USP13: variants seen among roughly 807,000 people sequenced by gnomAD.
The protein encoded by USP13 is ubiquitin specific peptidase 13, also known as ubiquitin carboxyl-terminal hydrolase 13.
Under a neutral mutation model 107.8 loss-of-function variants are expected in USP13, and 68 were observed. That is an observed-to-expected ratio of 0.63 (90% CI 0.52 to 0.77). The LOEUF (loss-of-function observed/expected upper bound fraction) is 0.77. Among genes scored for constraint, USP13 ranks in the 30% least tolerant of loss-of-function variants. USP13 has a pLI of 0.00. For synonymous variants in USP13, 377 were observed against 389.5 expected (o/e 0.97, Z 0.38); for missense variants, 945 against 1,093.3 (o/e 0.86, Z 1.91).
intron 10 of USP13, among the ~76,000 whole-genome samples, chr3:179,732,951 G>C (rs964787090): frequency 3.3e-5 from 5 of 152,074 alleles, no homozygotes; most frequent in Non-Finnish European, 7.4e-5. Flanking sequence ...GCCATCTCTG[G>C]GATGTGTTTT....
chr3:179,738,437 A>C lies in USP13; in HGVS notation c.1255-1810A>C, dbSNP rs546879126. On this transcript the variant is annotated intron_variant, in intron 10 of 20. Coordinates refer to ENST00000263966, the MANE Select transcript of USP13 (RefSeq NM_003940.3). ...ACTCTGGTTAGGCTTTGTTAGCTGC[A>C]TGGCAGTTGGGTGTTAAGACCACTT... Among the ~76,000 whole-genome samples, 3 of 152,328 alleles carry C rather than the reference A, an allele frequency of 2.0e-5. No individual in the cohort carries two copies. In the East Asian group the frequency reaches 5.8e-4, roughly 29 times the overall value.
chr3:179,684,817 A>AT (rs1214047267), intron 2 of USP13, among the ~76,000 whole-genome samples: 17 of 137,846 alleles, frequency 1.2e-4, no homozygotes, highest in African/African-American at 3.8e-4. Flanking sequence ...AGCCATATTT[A>AT]TTTTTTTTTC....
chr3:179,692,795 T>TG, intron 3 of USP13, among the ~76,000 whole-genome samples: 1 of 152,324 alleles, frequency 6.6e-6, no homozygotes, highest in African/African-American at 2.4e-5. Context: ...TTTTTTCTAG[T>TG]GATTATTTTG....
At chr3:179,769,606 G>A (rs72622567) in intron 19 of USP13, among the ~76,000 whole-genome samples, 24,192 of 151,996 alleles carry the variant, frequency 0.16, 2,052 homozygotes, top group East Asian at 0.21. Flanking sequence ...ACGGAATTTC[G>A]CCATGTTGCC....
At chr3:179,774,516 TGGAGTTGTTCGTTCCTCCTGTCC>T (rs1303736709) in intron 19 of USP13, among the ~76,000 whole-genome samples, 2 of 149,160 alleles carry the variant, frequency 1.3e-5, no homozygotes, top group African/African-American at 5.2e-5. Context: ...GCAGCACGTC[TGGAGTTGTTCGTTCCTCCTGTCC>T]GGAGTTGCTC....
In USP13 at chr3:179,653,451, CGG is replaced by C; in HGVS notation, c.168+62_168+63del. 1 of 1,524,620 alleles carries C rather than the reference CGG, an allele frequency of 6.6e-7. No homozygotes were observed. The allele number at this position is 1,524,620 out of a possible 1,614,324, so 94.4% of individuals were successfully genotyped here. ...GCCGGCGGCCTGCGGCACGTGAAGCCGGGGGAGAAGATGCGCAGTGGCGGCCG... is the reference window on the plus strand; with the variant it reads ...GCCGGCGGCCTGCGGCACGTGAAGCCGGGAGAAGATGCGCAGTGGCGGCCG... On this transcript the variant is annotated intron_variant, in intron 1 of 20. Coordinates refer to ENST00000263966, the MANE Select transcript of USP13 (RefSeq NM_003940.3). The surrounding 1 kb of genome is among the most constrained non-coding windows in gnomAD (Gnocchi z 4.0).
intron 14 of USP13, 75 bp downstream of exon 14, chr3:179,752,448 A>G (rs1441544802): frequency 1.8e-6 from 2 of 1,119,718 alleles, no homozygotes; most frequent in South Asian, 1.3e-5. Flanking sequence ...GAAAGAGCCC[A>G]TGTAGTTGGC....
chr3:179,727,906 C>CGGCT, intron 8 of USP13, among the ~76,000 whole-genome samples: 1 of 66,044 alleles, frequency 1.5e-5, no homozygotes, highest in Non-Finnish European at 3.9e-5. Context: ...CCGGACGGGG[C>CGGCT]GGCTGGCCAG....
At position 179,721,592 on chromosome 3, in the gene USP13, A is replaced by G; in HGVS notation, c.1088+3A>G. 1.2e-6 allele frequency: 2 copies of G among 1,612,822 alleles called. No homozygotes were observed. The highest frequency in any genetic ancestry group is 1.7e-6 in the Non-Finnish European group (2 of 1,179,910). ...AGCATCCCAGAATTCCAGAGAGCGT[A>G]AGTGCCTTCCATGCAGACCAGGGCA... On this transcript the variant is annotated splice_donor_region_variant and intron_variant, in intron 8 of 20. Coordinates refer to ENST00000263966, the MANE Select transcript of USP13 (RefSeq NM_003940.3). The surrounding 1 kb of genome is among the most constrained non-coding windows in gnomAD (Gnocchi z 4.3).
At position 179,661,764 on chromosome 3, in the gene USP13, G is replaced by C. The variant is rs961647046; in HGVS notation, c.168+8371G>C. ...GCTTCTCCCATCATTGCAGGGGCTG[G>C]CTCCTGGACATTGCATTTCCCAGAG... is the stretch of plus-strand genomic sequence containing the variant. On this transcript the variant is annotated intron_variant, in intron 1 of 20. Coordinates refer to ENST00000263966, the MANE Select transcript of USP13 (RefSeq NM_003940.3). 7.2e-5 allele frequency among the ~76,000 whole-genome samples: 11 copies of C among 152,246 alleles called. 1 individual carries two copies. Among genetic ancestry groups the C allele is most frequent in the Middle Eastern group, 6.8e-3 (2 of 294 alleles).
rs1184133020 is a variant in USP13 at position 179,721,827 on chromosome 3, T to G, written c.1088+238T>G. Among the ~76,000 whole-genome samples the G allele has an allele frequency of 6.6e-6, 1 of 152,038 alleles. No individual in the cohort carries two copies. The highest frequency in any genetic ancestry group is 1.5e-5 in the Non-Finnish European group (1 of 68,008). On this transcript the variant is annotated intron_variant, in intron 8 of 20. Coordinates refer to ENST00000263966, the MANE Select transcript of USP13 (RefSeq NM_003940.3). The surrounding 1 kb of genome is among the most constrained non-coding windows in gnomAD (Gnocchi z 4.3). ...TGTCTAACGCCTGTAATCTCAGCAC[T>G]TTGGGAGGCCGAGGCGGGCAGATCA...
rs1560088087 is a variant in USP13, at chr3:179,786,479, A to G, written c.*2338A>G. 1 of 152,262 alleles carries G rather than the reference A, an allele frequency of 6.6e-6. No individual in the cohort carries two copies. The highest frequency in any genetic ancestry group is 1.5e-5 in the Non-Finnish European group (1 of 68,052). 9.4% of individuals were successfully genotyped at this position (152,262 alleles called of 1,614,324 possible). A position where few individuals can be genotyped will look rare whatever the true frequency, so the allele number is the denominator to read the frequency against. On this transcript the variant is annotated 3_prime_UTR_variant, in exon 21 of 21. Coordinates refer to ENST00000263966, the MANE Select transcript of USP13 (RefSeq NM_003940.3). ...TAACTAGCCCTTTTGATGCCTAGAC[A>G]TGTTGTAAAAAAATTGTGCTATGGC...
intron 4 of USP13, among the ~76,000 whole-genome samples, chr3:179,705,082 G>C (rs1266552374): frequency 2.0e-5 from 3 of 152,146 alleles, no homozygotes; most frequent in Non-Finnish European, 2.9e-5. Flanking sequence ...GGTGGGGTTG[G>C]AGTGGACATG....
At chr3:179,763,022 A>G (rs975558833) in intron 17 of USP13, among the ~76,000 whole-genome samples, 1 of 152,150 alleles carries the variant, frequency 6.6e-6, no homozygotes, top group Non-Finnish European at 1.5e-5. Context: ...TTGACTGTAT[A>G]TCTTATTTGG....
intron 13 of USP13, among the ~76,000 whole-genome samples, chr3:179,751,899 T>A (rs545455231): frequency 6.6e-6 from 1 of 152,186 alleles, no homozygotes; most frequent in East Asian, 1.9e-4. Context: ...TGTATTTTTG[T>A]GCCTGGCTAA....
intron 8 of USP13, 98 bp from the exon 9 acceptor site, chr3:179,730,091 A>G: frequency 8.9e-7 from 1 of 1,124,580 alleles, no homozygotes; most frequent in Admixed American, 2.1e-5. Context: ...TTAGTTTGAC[A>G]AAGGGGCAAG....
chr3:179,765,545 G>A (rs992161005), intron 18 of USP13, 150 bp from the exon 19 acceptor site: 92 of 813,448 alleles, frequency 1.1e-4, no homozygotes, highest in Non-Finnish European at 2.9e-5. Context: ...CCTGTCATGC[G>A]GAGTCAGAGC....
chr3:179,733,555 C>G (rs946565424), intron 10 of USP13, among the ~76,000 whole-genome samples: 5 of 152,172 alleles, frequency 3.3e-5, no homozygotes, highest in African/African-American at 9.7e-5. Context: ...ATCAGAAGCC[C>G]TTTGGAAGGA....
intron 19 of USP13, among the ~76,000 whole-genome samples, chr3:179,774,737 G>T (rs966712523): frequency 6.6e-6 from 1 of 152,066 alleles, no homozygotes; most frequent in Non-Finnish European, 1.5e-5. Context: ...CTGCTGGCTC[G>T]GGCAGCCTGC....
Sources: allele counts gnomAD v4.1 joint callset (sites outside exome capture counted in the v4.1 genomes callset), GRCh38; gene constraint gnomAD v4.1.1; non-coding constraint Gnocchi (gnomAD v3.1); transcripts MANE v1.5; gene names NCBI Gene and HGNC (gene_info 2026-07-23, HGNC 2026-07-21).